PRUNE2: variants seen among roughly 807,000 people sequenced by gnomAD.
PRUNE2 encodes protein prune homolog 2.
A neutral mutation model predicts 252.0 loss-of-function variants in PRUNE2; 164 were observed. The observed-to-expected ratio is 0.65, with a 90% CI of 0.57 to 0.74. The LOEUF is 0.74. Ranked by LOEUF, PRUNE2 falls within the 30% of genes least tolerant of loss-of-function variation. The pLI is 0.00. For missense variants in PRUNE2, 3,495 were observed against 3,711.0 expected (o/e 0.94, Z 1.51); for synonymous variants, 1,292 against 1,350.2 (o/e 0.96, Z 0.94).
Position 76,611,675 on chromosome 9 carries a change from TAGG to T in PRUNE2, c.*2892_*2894del, listed in dbSNP as rs1424521860. 2 of 152,646 alleles carry T rather than the reference TAGG, an allele frequency of 1.3e-5. No individual in the cohort carries two copies. Among genetic ancestry groups the T allele is most frequent in the Non-Finnish European group, 2.9e-5 (2 of 68,036 alleles). 9.5% of individuals were successfully genotyped at this position (152,646 alleles called of 1,614,324 possible). ...TTTAAAATTACATCTTAACAAAGGCTAGGAGTAGTGACTTCCTCACACACCTCA... is the reference window on the plus strand; with the variant it reads ...TTTAAAATTACATCTTAACAAAGGCTAGTAGTGACTTCCTCACACACCTCA... On this transcript the variant is annotated 3_prime_UTR_variant, in exon 19 of 19. Transcript: ENST00000376718.
Position 76,708,274 on chromosome 9 carries a change from T to A in PRUNE2, c.4000A>T (p.Thr1334Ser). 6.2e-7 allele frequency: 1 copy of A among 1,613,866 alleles called. No individual in the cohort carries two copies. The highest frequency in any genetic ancestry group is 8.5e-7 in the Non-Finnish European group (1 of 1,179,884). ...SESEKEAQGA[T>S]DRGHLDEEEV... Reference sequence around the variant, plus strand: ...TCTTCATCAAGGTGCCCCCTGTCAGTGGCTCCCTGGGCTTCCTTCTCACTT... The same window carrying A: ...TCTTCATCAAGGTGCCCCCTGTCAGAGGCTCCCTGGGCTTCCTTCTCACTT... Residue 1334 changes from threonine to serine, a missense_variant, in exon 8 of 19, where the codon ACT (threonine) becomes TCT (serine). Coordinates refer to ENST00000376718, the MANE Select transcript of PRUNE2 (RefSeq NM_015225.3).
chr9:76,884,081 T>C (rs1404045633), intron 1 of PRUNE2, among the ~76,000 whole-genome samples: 1 of 152,168 alleles, frequency 6.6e-6, no homozygotes, highest in Non-Finnish European at 1.5e-5. Flanking sequence ...TCCCTCTCCC[T>C]TCTCTCCTCT....
chr9:76,632,291 C>T (rs1055376609), intron 15 of PRUNE2, among the ~76,000 whole-genome samples: 6 of 152,130 alleles, frequency 3.9e-5, no homozygotes, highest in African/African-American at 1.4e-4. Flanking sequence ...CCTTCAGTAG[C>T]GAGAAGACCT....
intron 17 of PRUNE2, among the ~76,000 whole-genome samples, chr9:76,622,042 T>C (rs908300034): frequency 2.0e-5 from 3 of 152,086 alleles, no homozygotes; most frequent in African/African-American, 7.2e-5. Flanking sequence ...ACTTTGGGGG[T>C]GAGACATGGG....
intron 4 of PRUNE2, among the ~76,000 whole-genome samples, chr9:76,827,601 G>A (rs575156462): frequency 6.6e-6 from 1 of 152,252 alleles, no homozygotes; most frequent in South Asian, 2.1e-4. Flanking sequence ...TTTCAGTGTA[G>A]CCTTAACGCC....
chr9:76,799,791 C>G (rs1420172137), intron 6 of PRUNE2, among the ~76,000 whole-genome samples: 1 of 152,146 alleles, frequency 6.6e-6, no homozygotes, highest in Admixed American at 6.5e-5. Context: ...GCAGTTAATA[C>G]TGACTTGTTT....
Position 76,644,833 on chromosome 9 carries a change from G to T in PRUNE2, c.8634C>A (p.Asp2878Glu). The T allele has an allele frequency of 2.5e-6, 4 of 1,613,880 alleles. No homozygotes were observed. The highest frequency in any genetic ancestry group is 3.4e-6 in the Non-Finnish European group (4 of 1,179,842). ...PEYTAEEERE[D>E]NRLWRTVVIG... ...TGACCACTGTCCTCCAAAGCCGGTT[G>T]TCCTCCCGTTCCTCTTCGGCCGTAT... The change falls in exon 12 of 19, where the codon GAC becomes GAA. Residue 2878 changes from aspartate (D) to glutamate (E), a missense_variant. Physicochemically the swap from Asp to Glu is conservative, Grantham distance 45 (BLOSUM62 2). Coordinates refer to ENST00000376718, the MANE Select transcript of PRUNE2 (RefSeq NM_015225.3).
chr9:76,650,784 G>A (rs183608303), intron 11 of PRUNE2, among the ~76,000 whole-genome samples: 1 of 152,190 alleles, frequency 6.6e-6, no homozygotes, highest in Non-Finnish European at 1.5e-5. Context: ...AAGTGGCAGT[G>A]TTAATTACCA....
chr9:76,871,178 T>C (rs2133073980), intron 1 of PRUNE2, among the ~76,000 whole-genome samples: 2 of 152,290 alleles, frequency 1.3e-5, no homozygotes, highest in East Asian at 3.9e-4. Flanking sequence ...TTCACATTCA[T>C]GGATTCAACC....
chr9:76,861,067 C>G (rs1048797744), intron 1 of PRUNE2, among the ~76,000 whole-genome samples: 1 of 152,182 alleles, frequency 6.6e-6, no homozygotes, highest in African/African-American at 2.4e-5. Context: ...CTAACTCAAA[C>G]CCAGTCACAG....
chr9:76,903,198 T>C (rs2063283242), intron 1 of PRUNE2, among the ~76,000 whole-genome samples: 1 of 152,242 alleles, frequency 6.6e-6, no homozygotes, highest in Non-Finnish European at 1.5e-5. Context: ...TTGGAGATTA[T>C]ATCTATGGCT....
intron 6 of PRUNE2, among the ~76,000 whole-genome samples, chr9:76,757,310 A>C (rs1459559176): frequency 2.6e-5 from 4 of 152,254 alleles, no homozygotes; most frequent in African/African-American, 9.6e-5. Context: ...AAGCTAGATT[A>C]ATTAGTTAAT....
chr9:76,683,858 A>G (rs1489069166), intron 9 of PRUNE2, among the ~76,000 whole-genome samples: 1 of 151,558 alleles, frequency 6.6e-6, no homozygotes, highest in Non-Finnish European at 1.5e-5. Flanking sequence ...GTGTATGTAT[A>G]TATACATATA....
At chr9:76,719,266 G>C (rs1448486981) in intron 6 of PRUNE2, among the ~76,000 whole-genome samples, 1 of 151,654 alleles carries the variant, frequency 6.6e-6, no homozygotes, top group Non-Finnish European at 1.5e-5. Context: ...AAGGTTTAAT[G>C]TCCTCAAGAA....
Position 76,823,740 on chromosome 9 carries a change from G to GAA in PRUNE2, c.662-16_662-15dup. 9 of 1,440,910 alleles carry GAA rather than the reference G, an allele frequency of 6.2e-6. No homozygotes were observed. Among genetic ancestry groups the GAA allele is most frequent in the Admixed American group, 2.0e-5 (1 of 49,232 alleles). The allele number at this position is 1,440,910 out of a possible 1,614,324, so 89.3% of individuals were successfully genotyped here. A position where few individuals can be genotyped will look rare whatever the true frequency, so the allele number is the denominator to read the frequency against. Reference sequence around the variant, plus strand: ...CAATACTTAAACCTGTGGATGACAGGAAAAAAAAACATTATGTTATACTTG... The same window carrying GAA: ...CAATACTTAAACCTGTGGATGACAGGAAAAAAAAAAACATTATGTTATACTTG... On this transcript the variant is annotated splice_polypyrimidine_tract_variant and intron_variant, in intron 5 of 18. Coordinates refer to ENST00000376718, the MANE Select transcript of PRUNE2 (RefSeq NM_015225.3).
chr9:76,902,203 T>G (rs1653547390), intron 1 of PRUNE2, among the ~76,000 whole-genome samples: 1 of 152,186 alleles, frequency 6.6e-6, no homozygotes, highest in Admixed American at 6.5e-5. Flanking sequence ...TTTACTGCCA[T>G]GAGACTGTCC....
At chr9:76,669,848 G>C (rs1183511613) in intron 9 of PRUNE2, among the ~76,000 whole-genome samples, 1 of 152,208 alleles carries the variant, frequency 6.6e-6, no homozygotes, top group Non-Finnish European at 1.5e-5. Flanking sequence ...CTCCTCCCGA[G>C]TCTTCTGCTC....
chr9:76,713,699 A>T lies in PRUNE2; in HGVS notation c.779T>A (p.Ile260Asn). Residue 260 changes from isoleucine to asparagine, a missense_variant, in exon 7 of 19, where the codon ATT becomes AAT. Physicochemically the swap from Ile to Asn is moderately radical, Grantham distance 149. Transcript: ENST00000376718. The part of the protein sequence containing the change: ...NLENCLFHSN[I>N]TSDLKAFTDK... ...TGTAAATGCTTTCAAGTCACTGGTA[A>T]TATTGCTGTGAAATAGACAATTCTG... 1 of 1,598,328 alleles carries T rather than the reference A, an allele frequency of 6.3e-7. No homozygotes were observed. The highest frequency in any genetic ancestry group is 1.3e-5 in the African/African-American group (1 of 74,924).
chr9:76,653,226 C>T (rs756349656), intron 10 of PRUNE2, among the ~76,000 whole-genome samples: 2 of 152,084 alleles, frequency 1.3e-5, no homozygotes, highest in African/African-American at 2.4e-5. Flanking sequence ...TAAATTTTCA[C>T]GGGGTATACT....
Sources: gnomAD v4.1 joint callset for allele counts (sites outside exome capture counted in the v4.1 genomes callset) on GRCh38, gnomAD v4.1.1 for gene constraint, MANE v1.5 for transcripts, NCBI Gene and HGNC (gene_info 2026-07-23, HGNC 2026-07-21) for gene names.